Variants in ATIC observed in about 807,000 individuals in gnomAD.
ATIC encodes bifunctional purine biosynthesis protein ATIC.
ATIC carries 64 observed loss-of-function variants against 72.5 expected under a neutral mutation model. The ratio of observed to expected loss-of-function variants is 0.88; its 90% confidence interval spans 0.72 to 1.09. The LOEUF is 1.09. ATIC is among the 50% of genes least tolerant of loss of function. ATIC has a pLI of 0.00. For synonymous variants in ATIC, 281 were observed against 267.1 expected (o/e 1.05, Z -0.51); for missense variants, 787 against 732.4 (o/e 1.07, Z -0.86).
At chr2:215,348,907 G>A (rs561543551) in intron 14 of ATIC, 187 bp from the exon 15 acceptor site, 9 of 394,128 alleles carry the variant, frequency 2.3e-5, no homozygotes, top group East Asian at 2.1e-4. Context: ...GCGGTGAGCC[G>A]AGATCGCACC....
chr2:215,313,792 T>C (rs2052680717), intron 2 of ATIC, among the ~76,000 whole-genome samples: 2 of 152,188 alleles, frequency 1.3e-5, no homozygotes, highest in African/African-American at 4.8e-5. Flanking sequence ...TAACTGTATA[T>C]TTTCGGATGT....
intron 12 of ATIC, among the ~76,000 whole-genome samples, chr2:215,339,175 C>T (rs531945317): frequency 6.6e-6 from 1 of 152,276 alleles, no homozygotes; most frequent in African/African-American, 2.4e-5. Flanking sequence ...AATCTGACTC[C>T]TGTAACTTGG....
At chr2:215,342,398 G>C (rs6737407) in intron 12 of ATIC, among the ~76,000 whole-genome samples, 49,146 of 151,986 alleles carry the variant, frequency 0.32, 8,812 homozygotes, top group African/African-American at 0.45. Context: ...TTCATATACA[G>C]TTGTAAGAGT....
chr2:215,312,774 AAG>A, intron 2 of ATIC, 150 bp downstream of exon 2: 1 of 1,315,590 alleles, frequency 7.6e-7, no homozygotes, highest in South Asian at 1.3e-5. Flanking sequence ...TGGGGAAAAA[AAG>A]TGAGGCTCAG....
chr2:215,365,816 T>A, the ATIC span: 94 of 288,680 alleles, frequency 3.3e-4, no homozygotes, highest in South Asian at 8.1e-4. Flanking sequence ...ATTTTTTTTT[T>A]TTTTTTTGAG....
At chr2:215,352,584 GA>G (rs35608294), downstream of ATIC, among the ~76,000 whole-genome samples, 81,667 of 147,316 alleles carry the variant, frequency 0.55, 22,738 homozygotes, top group East Asian at 0.72. Context: ...TCCATCTCAA[GA>G]AAAAAAAAAA....
the ATIC span, chr2:215,367,803 G>T: frequency 1.3e-6 from 2 of 1,537,556 alleles, no homozygotes; most frequent in Non-Finnish European, 1.8e-6. Context: ...TGGCACATGA[G>T]TGCATGCATG....
intron 2 of ATIC, among the ~76,000 whole-genome samples, chr2:215,314,733 T>C (rs1212017909): frequency 6.6e-6 from 1 of 151,956 alleles, no homozygotes; most frequent in Admixed American, 6.6e-5. Flanking sequence ...ACTCCTGACC[T>C]CAAGTGATCG....
chr2:215,323,374 G>C (rs1002914764), intron 4 of ATIC, among the ~76,000 whole-genome samples: 1 of 152,122 alleles, frequency 6.6e-6, no homozygotes, highest in African/African-American at 2.4e-5. Flanking sequence ...GTATTGTGTT[G>C]AATCTGTAGA....
In ATIC at chr2:215,349,630, C is replaced by G. The variant is rs145243313; in HGVS notation, c.1754C>G (p.Thr585Arg). 7.4e-6 allele frequency: 12 copies of G among 1,614,068 alleles called. No individual in the cohort carries two copies. The African/African-American group carries it at 1.1e-4, about 14-fold the overall frequency. ...CDELGIILAHTNLRLFHH is the reference protein window; with the variant it reads ...CDELGIILAHRNLRLFHH ...GAACTGGGAATCATCCTCGCTCATA[C>G]GAACCTTCGGCTCTTCCACCACTGA... Residue 585 changes from threonine (T) to arginine (R), a missense_variant, in exon 16 of 16, where the codon ACG (threonine) becomes AGG (arginine). By Grantham distance (71) the Thr-to-Arg change is moderately conservative. Transcript: ENST00000236959.
At chr2:215,327,436 G>A (rs2052841419) in intron 7 of ATIC, among the ~76,000 whole-genome samples, 1 of 152,202 alleles carries the variant, frequency 6.6e-6, no homozygotes, top group Admixed American at 6.5e-5. Context: ...ATTGGATCTA[G>A]AAGCCCAATT....
intron 1 of ATIC, 160 bp downstream of exon 1, chr2:215,312,321 C>T (rs2052661645): frequency 1.4e-6 from 2 of 1,460,334 alleles, no homozygotes; most frequent in Non-Finnish European, 9.2e-7. Flanking sequence ...TGCGTGGGGC[C>T]CGCCTTAGAG....
At chr2:215,338,229 C>T (rs2052978235) in intron 11 of ATIC, among the ~76,000 whole-genome samples, 2 of 152,142 alleles carry the variant, frequency 1.3e-5, no homozygotes, top group African/African-American at 2.4e-5. Context: ...AGGAAGATGG[C>T]AGTAAATGAT....
chr2:215,333,321 T>A, intron 8 of ATIC, 29 bp from the exon 9 acceptor site: 1 of 1,595,526 alleles, frequency 6.3e-7, no homozygotes, highest in Non-Finnish European at 8.6e-7. Flanking sequence ...TAGCTTTCTT[T>A]GTTTATGATT....
chr2:215,364,098 A>G, the ATIC span, among the ~76,000 whole-genome samples: 1 of 152,204 alleles, frequency 6.6e-6, no homozygotes, highest in Non-Finnish European at 1.5e-5. Flanking sequence ...CCAGAACTGT[A>G]TTTGTCAGAC....
At chr2:215,317,554 C>T (rs879471263) in intron 2 of ATIC, among the ~76,000 whole-genome samples, 10 of 152,022 alleles carry the variant, frequency 6.6e-5, no homozygotes, top group African/African-American at 7.2e-5. Flanking sequence ...GGCATGATCT[C>T]GGCTCACTGC....
intron 11 of ATIC, 30 bp from the exon 12 acceptor site, chr2:215,338,749 T>A (rs2052984165): frequency 1.2e-6 from 2 of 1,609,238 alleles, no homozygotes; most frequent in East Asian, 4.5e-5. Context: ...GTGGAGAGAT[T>A]AACTTTAACT....
intron 12 of ATIC, among the ~76,000 whole-genome samples, chr2:215,341,296 A>G (rs1380096114): frequency 6.6e-6 from 1 of 152,172 alleles, no homozygotes; most frequent in Non-Finnish European, 1.5e-5. Context: ...TACTGAATGG[A>G]TATTGACCTA....
intron 7 of ATIC, among the ~76,000 whole-genome samples, chr2:215,328,440 C>A (rs535882425): frequency 6.6e-6 from 1 of 152,084 alleles, no homozygotes; most frequent in East Asian, 1.9e-4. Flanking sequence ...GCTCTCCCTG[C>A]GCCTGCTGCT....
Sources: gnomAD v4.1 joint callset for allele counts (sites outside exome capture counted in the v4.1 genomes callset) on GRCh38, gnomAD v4.1.1 for gene constraint, MANE v1.5 for transcripts, NCBI Gene and HGNC (gene_info 2026-07-23, HGNC 2026-07-21) for gene names.